Variants in HMGN1 observed in about 807,000 individuals in gnomAD.
HMGN1 encodes high mobility group nucleosome binding domain 1.
In HMGN1, 9 loss-of-function variants were observed where a neutral mutation model predicts 18.4. The observed-to-expected ratio is 0.49, with a 90% CI of 0.29 to 0.85. HMGN1 has a LOEUF of 0.85. Among genes scored for constraint, HMGN1 ranks in the 40% least tolerant of loss-of-function variants. The pLI is 0.07. For missense variants in HMGN1, 151 were observed against 119.2 expected (o/e 1.27, Z -1.24); for synonymous variants, 59 against 45.0 (o/e 1.31, Z -1.24).
rs1464265881 is a variant in HMGN1 at position 39,343,138 on chromosome 21, C to T, written c.277G>A (p.Gly93Arg). The T allele has an allele frequency of 1.3e-6, 2 of 1,597,714 alleles. No homozygotes were observed. Among genetic ancestry groups the T allele is most frequent in the Non-Finnish European group, 1.7e-6 (2 of 1,170,402 alleles). The change falls in exon 6 of 6, where the codon GGA becomes AGA. Residue 93 changes from glycine (G) to arginine (R), a missense_variant. Gly to Arg is a moderately radical substitution (Grantham distance 125). Transcript: ENST00000380749. The part of the protein sequence containing the change: ...TEESPASDEA[G>R]EKEAKSD ...TAATCAGACTTGGCTTCTTTCTCTCCTGCTTCATCAGAGGCTGGACTCTGC... is the reference window on the plus strand; with the variant it reads ...TAATCAGACTTGGCTTCTTTCTCTCTTGCTTCATCAGAGGCTGGACTCTGC...
In HMGN1 at chr21:39,348,278, G is replaced by A. The variant is rs370512687; in HGVS notation, c.126+14C>T. 31 of 1,613,954 alleles carry A rather than the reference G, an allele frequency of 1.9e-5. No homozygotes were observed. The African/African-American group carries it at 4.0e-4, about 21-fold the overall frequency. On this transcript the variant is annotated intron_variant, in intron 4 of 5. Transcript: ENST00000380749. ...AAGGCCCCGCTGCATCCCAATGCGC[G>A]TTTCGAGGCTTACCTTCGCTGCTGC...
At position 39,345,236 on chromosome 21, in the gene HMGN1, T is replaced by C; in HGVS notation, c.165A>G (p.Lys55=). The change falls in exon 5 of 6, where the codon AAA becomes AAG. Residue 55 remains lysine, a synonymous_variant. Transcript: ENST00000380749. ...CGGCCTGTTTTCCCTTTGCTCCCCT[T>C]TTCCCTTTTGTTTGCACTTTTTTGT... The part of the protein sequence containing the change: ...SSDKKVQTKG[K]RGAKGKQAEV... The C allele has an allele frequency of 6.2e-7, 1 of 1,613,898 alleles. No homozygotes were observed. Among genetic ancestry groups the C allele is most frequent in the African/African-American group, 1.3e-5 (1 of 75,038 alleles).
At chr21:39,347,444 T>C in intron 4 of HMGN1, 1 of 1,294,756 alleles carries the variant, frequency 7.7e-7, no homozygotes. Flanking sequence ...AAATTAATCT[T>C]GCCTCTTCTG....
chr21:39,344,256 CAA>C (rs3067491), intron 5 of HMGN1, among the ~76,000 whole-genome samples: 12 of 113,502 alleles, frequency 1.1e-4, no homozygotes, highest in Middle Eastern at 8.0e-3. Context: ...AATTCCGTCT[CAA>C]AAAAAAAAAA....
In HMGN1 at chr21:39,348,416, A is replaced by C. The variant is rs767441327; in HGVS notation, c.78+6T>G. On this transcript the variant is annotated splice_donor_region_variant and intron_variant, in intron 3 of 5. Transcript: ENST00000380749. ...AACGAACGGTTACGGGGCTCGCTTT[A>C]CTTACAGCTGACAACCGCGCCGATC... is the stretch of plus-strand genomic sequence containing the variant. 5 of 1,614,164 alleles carry C rather than the reference A, an allele frequency of 3.1e-6. No individual in the cohort carries two copies. The South Asian group carries it at 5.5e-5, about 18-fold the overall frequency.
intron 4 of HMGN1, chr21:39,345,578 T>C (rs2037022551): frequency 4.7e-6 from 2 of 428,660 alleles, no homozygotes; most frequent in South Asian, 2.1e-5. Flanking sequence ...AAACAATGTA[T>C]GCTAAGGAGA....
At chr21:39,345,446 T>A in intron 4 of HMGN1, 172 bp from the exon 5 acceptor site, 1 of 639,070 alleles carries the variant, frequency 1.6e-6, no homozygotes, top group Non-Finnish European at 2.7e-6. Context: ...ATCTTCAAGC[T>A]TATGAAAGGA....
At chr21:39,344,979 T>G (rs529597442) in intron 5 of HMGN1, among the ~76,000 whole-genome samples, 167 bp downstream of exon 5, 1 of 152,312 alleles carries the variant, frequency 6.6e-6, no homozygotes, top group South Asian at 2.1e-4. Context: ...TCCAATAACA[T>G]AAATCATAGA....
At chr21:39,348,622 G>T (rs1334495311) in intron 1 of HMGN1, 45 bp from the exon 2 acceptor site, 4 of 1,531,200 alleles carry the variant, frequency 2.6e-6, no homozygotes, top group Non-Finnish European at 3.5e-6. Flanking sequence ...CGCAGTCCCA[G>T]GACTCGCGGG....
intron 4 of HMGN1, 117 bp from the exon 5 acceptor site, chr21:39,345,391 T>G (rs890927425): frequency 1.0e-6 from 1 of 989,062 alleles, no homozygotes; most frequent in Admixed American, 2.2e-5. Context: ...GACTTCATAG[T>G]AAGGTTTGAG....
rs2037131859 is a variant in HMGN1 at position 39,348,272 on chromosome 21, A to G, written c.126+20T>C. 1 of 1,613,746 alleles carries G rather than the reference A, an allele frequency of 6.2e-7. No individual in the cohort carries two copies. Among genetic ancestry groups the G allele is most frequent in the African/African-American group, 1.3e-5 (1 of 74,912 alleles). On this transcript the variant is annotated intron_variant, in intron 4 of 5. Transcript: ENST00000380749. ...TAGCCTAAGGCCCCGCTGCATCCCA[A>G]TGCGCGTTTCGAGGCTTACCTTCGC...
chr21:39,346,059 C>T, intron 4 of HMGN1: 1 of 621,432 alleles, frequency 1.6e-6, no homozygotes, highest in Non-Finnish European at 2.6e-6. Flanking sequence ...AGATACCATC[C>T]ATCAATACTG....
At chr21:39,348,687 C>G (rs1472398232) in intron 1 of HMGN1, 110 bp from the exon 2 acceptor site, 3 of 1,360,790 alleles carry the variant, frequency 2.2e-6, no homozygotes, top group Non-Finnish European at 2.9e-6. Context: ...CTTCCCGCCG[C>G]CCCGTTCGAA....
At chr21:39,343,197 C>T in intron 5 of HMGN1, 38 bp from the exon 6 acceptor site, 1 of 1,565,718 alleles carries the variant, frequency 6.4e-7, no homozygotes, top group Non-Finnish European at 8.7e-7. Flanking sequence ...TAGCATTTAA[C>T]ACGTTGTCGT....
Position 39,345,133 on chromosome 21 carries a change from A to ACACACACACACACG in HMGN1, c.255+12_255+13insCGTGTGTGTGTGTG, listed in dbSNP as rs777086824. 143 of 1,573,614 alleles carry ACACACACACACACG rather than the reference A, an allele frequency of 9.1e-5. No individual in the cohort carries two copies. The African/African-American group carries it at 1.9e-3, about 21-fold the overall frequency. The stretch of plus-strand genomic sequence containing the variant: ...ATCACACACACACACACACACACAC[A>ACACACACACACACG]CACACTTCTGACCTCCTCAGTCTTC... On this transcript the variant is annotated intron_variant, in intron 5 of 5. Transcript: ENST00000380749.
At position 39,348,440 on chromosome 21, in the gene HMGN1, TCTC is replaced by T. The variant is rs774619576; in HGVS notation, c.57_59del (p.Arg20del). 1 of 1,614,062 alleles carries T rather than the reference TCTC, an allele frequency of 6.2e-7. No homozygotes were observed. The highest frequency in any genetic ancestry group is 1.1e-5 in the South Asian group (1 of 91,078). ...TACTTACAGCTGACAACCGCGCCGA[TCTC>T]CTCTTGGGCTTGGAGAAAGAAAAAG... On this transcript the variant is annotated inframe_deletion, in exon 3 of 6. Coordinates refer to ENST00000380749, the MANE Select transcript of HMGN1 (RefSeq NM_004965.7).
chr21:39,343,241 A>G lies in HMGN1; in HGVS notation c.256-82T>C. ...TATGCAACTATCAGGTCTTTAAAAA[A>G]GTCAATAACCTTTGTTATTTGTAAA... On this transcript the variant is annotated intron_variant, in intron 5 of 5. Transcript: ENST00000380749. The G allele has an allele frequency of 3.7e-6, 5 of 1,363,646 alleles. No homozygotes were observed. In the South Asian group the frequency reaches 5.2e-5, roughly 14 times the overall value. 84.5% of individuals were successfully genotyped at this position (1,363,646 alleles called of 1,614,324 possible).
intron 4 of HMGN1, chr21:39,347,756 G>A (rs1246984847): frequency 1.5e-5 from 4 of 275,548 alleles, no homozygotes; most frequent in Admixed American, 5.1e-5. Flanking sequence ...TTGTTAGGGA[G>A]CAGCCAAAAT....
chr21:39,347,560 G>C, intron 4 of HMGN1: 1 of 509,944 alleles, frequency 2.0e-6, no homozygotes, highest in Admixed American at 2.5e-5. Context: ...CTAAGTTTTG[G>C]ATAAAAATTA....
Sources: allele counts gnomAD v4.1 joint callset (sites outside exome capture counted in the v4.1 genomes callset), GRCh38; gene constraint gnomAD v4.1.1; transcripts MANE v1.5; gene names NCBI Gene and HGNC (gene_info 2026-07-23, HGNC 2026-07-21).